The following GATAD2A variants were observed in gnomAD, a reference collection of about 807,000 sequenced individuals.
GATAD2A encodes transcriptional repressor p66-alpha.
GATAD2A carries 12 observed loss-of-function variants against 68.5 expected under a neutral mutation model. The ratio of observed to expected loss-of-function variants is 0.18; its 90% CI spans 0.11 to 0.28. GATAD2A has a LOEUF of 0.28. GATAD2A is among the 10% of genes least tolerant of loss of function. GATAD2A has a pLI of 1.00. For missense variants in GATAD2A, 755 were observed against 868.5 expected (o/e 0.87, Z 1.64); for synonymous variants, 410 against 375.3 (o/e 1.09, Z -1.07).
chr19:19,433,317 A>ATGTCATAC (rs1201516272), intron 1 of GATAD2A, among the ~76,000 whole-genome samples: 3 of 152,096 alleles, frequency 2.0e-5, no homozygotes, highest in Non-Finnish European at 4.4e-5. Context: ...CTTTGTATCC[A>ATGTCATAC]TGTCATACTG....
chr19:19,495,658 A>G, intron 5 of GATAD2A, 96 bp from the exon 6 acceptor site: 4 of 932,278 alleles, frequency 4.3e-6, no homozygotes, highest in African/African-American at 1.8e-5. Flanking sequence ...AAAAAAAACT[A>G]GTATGTACTT....
At chr19:19,431,015 G>GTGTT in intron 1 of GATAD2A, among the ~76,000 whole-genome samples, 1 of 149,756 alleles carries the variant, frequency 6.7e-6, no homozygotes, top group East Asian at 2.0e-4. Flanking sequence ...GTGTGTGTGT[G>GTGTT]TGTAGTACCC....
intron 1 of GATAD2A, among the ~76,000 whole-genome samples, chr19:19,438,513 C>T (rs1181573558): frequency 1.1e-4 from 16 of 152,222 alleles, no homozygotes; most frequent in Admixed American, 9.8e-4. Context: ...GGCAGCAGGG[C>T]TGGCTGTAGT....
At chr19:19,462,449 C>G (rs2057519929) in intron 1 of GATAD2A, among the ~76,000 whole-genome samples, 1 of 152,234 alleles carries the variant, frequency 6.6e-6, no homozygotes, top group Non-Finnish European at 1.5e-5. Context: ...AGGGGTGCCG[C>G]AGGGCCCCGC....
At chr19:19,458,967 T>G (rs2057183741) in intron 1 of GATAD2A, among the ~76,000 whole-genome samples, 1 of 152,100 alleles carries the variant, frequency 6.6e-6, no homozygotes, top group Admixed American at 6.5e-5. Flanking sequence ...TTTGTTAGTT[T>G]CTTTCTTTCC....
intron 1 of GATAD2A, among the ~76,000 whole-genome samples, chr19:19,436,503 G>GATA (rs1260761812): frequency 6.6e-6 from 1 of 152,248 alleles, no homozygotes; most frequent in East Asian, 1.9e-4. Flanking sequence ...AGGGGCAGAG[G>GATA]ATAATCCTGG....
chr19:19,441,384 TTTTTTA>T (rs573943557), intron 1 of GATAD2A, among the ~76,000 whole-genome samples: 76 of 151,642 alleles, frequency 5.0e-4, no homozygotes, highest in African/African-American at 1.7e-3. Flanking sequence ...AAGCACTAGC[TTTTTTA>T]TTTTTATTTT....
At chr19:19,408,055 A>G (rs2050483687) in intron 1 of GATAD2A, among the ~76,000 whole-genome samples, 1 of 152,168 alleles carries the variant, frequency 6.6e-6, no homozygotes, top group Non-Finnish European at 1.5e-5. Context: ...TCCAGTCTGG[A>G]GTGGCACGAT....
chr19:19,451,059 C>T (rs539823901), intron 1 of GATAD2A, among the ~76,000 whole-genome samples: 24 of 152,026 alleles, frequency 1.6e-4, no homozygotes, highest in South Asian at 1.5e-3. Context: ...CGTGAGCCAC[C>T]GCACCCGGCC....
chr19:19,390,097 A>T (rs1458436851), intron 1 of GATAD2A, among the ~76,000 whole-genome samples: 2 of 152,206 alleles, frequency 1.3e-5, no homozygotes, highest in East Asian at 3.8e-4. Flanking sequence ...GGACCAGCAG[A>T]TGGGATGTTA....
intron 1 of GATAD2A, among the ~76,000 whole-genome samples, chr19:19,419,383 C>A (rs767280799): frequency 6.6e-6 from 1 of 152,142 alleles, no homozygotes; most frequent in Non-Finnish European, 1.5e-5. Context: ...GCCCATGGAA[C>A]TCTGAGGGTT....
chr19:19,484,589 G>A (rs965483658), intron 2 of GATAD2A, among the ~76,000 whole-genome samples: 1 of 138,708 alleles, frequency 7.2e-6, no homozygotes, highest in African/African-American at 2.7e-5. Context: ...GGAGTGCGCA[G>A]TGGCACGATC....
intron 2 of GATAD2A, among the ~76,000 whole-genome samples, chr19:19,484,860 C>T (rs1360008030): frequency 1.3e-5 from 2 of 152,170 alleles, no homozygotes; most frequent in African/African-American, 4.8e-5. Context: ...AGGAGTGTTT[C>T]TTGAAGGCAG....
chr19:19,480,433 C>T (rs1182417746), intron 2 of GATAD2A, among the ~76,000 whole-genome samples: 1 of 152,182 alleles, frequency 6.6e-6, no homozygotes, highest in African/African-American at 2.4e-5. Flanking sequence ...TTAATGGAAG[C>T]TCGTACTTTA....
At chr19:19,488,719 G>A (rs1039063016) in intron 2 of GATAD2A, among the ~76,000 whole-genome samples, 3 of 152,218 alleles carry the variant, frequency 2.0e-5, no homozygotes, top group Non-Finnish European at 2.9e-5. Flanking sequence ...GCGTGTCAGC[G>A]AGCGGGTGAG....
At chr19:19,499,534 C>A (rs927249943) in intron 8 of GATAD2A, among the ~76,000 whole-genome samples, 20 of 152,042 alleles carry the variant, frequency 1.3e-4, no homozygotes, top group African/African-American at 4.1e-4. Flanking sequence ...GCACCTCCCG[C>A]GCACTGCCCA....
chr19:19,499,920 C>T (rs1221739485), intron 8 of GATAD2A, among the ~76,000 whole-genome samples: 1 of 152,228 alleles, frequency 6.6e-6, no homozygotes, highest in Non-Finnish European at 1.5e-5. Context: ...CACAGCCCGG[C>T]TGGTGCCTTT....
At chr19:19,453,204 T>G (rs539517558) in intron 1 of GATAD2A, among the ~76,000 whole-genome samples, 1 of 152,174 alleles carries the variant, frequency 6.6e-6, no homozygotes, top group South Asian at 2.1e-4. Flanking sequence ...GTGCTTTTCC[T>G]TAGGGCTTTG....
chr19:19,439,876 A>G (rs2054796860), intron 1 of GATAD2A, among the ~76,000 whole-genome samples: 1 of 152,076 alleles, frequency 6.6e-6, no homozygotes, highest in African/African-American at 2.4e-5. Flanking sequence ...AAACACAAAA[A>G]AGCAAAAAGA....
Sources: allele counts gnomAD v4.1 joint callset (sites outside exome capture counted in the v4.1 genomes callset), GRCh38; gene constraint gnomAD v4.1.1; transcripts MANE v1.5; gene names NCBI Gene and HGNC (gene_info 2026-07-23, HGNC 2026-07-21).